Variants in PRELID2 observed in about 807,000 individuals in gnomAD.
The protein encoded by PRELID2 is PRELI domain containing 2.
Under a neutral mutation model 28.4 loss-of-function variants are expected in PRELID2, and 25 were observed. That is an observed-to-expected ratio of 0.88 (90% CI 0.64 to 1.23). The LOEUF (loss-of-function observed/expected upper bound fraction) is 1.23. Ranked by LOEUF, PRELID2 falls within the 50% of genes most tolerant of loss-of-function variation. The pLI is 0.00. For missense variants in PRELID2, 201 were observed against 214.4 expected (o/e 0.94, Z 0.39); for synonymous variants, 76 against 71.6 (o/e 1.06, Z -0.31).
At chr5:145,578,462 G>A (rs1194656283) in intron 1 of PRELID2, among the ~76,000 whole-genome samples, 2 of 151,980 alleles carry the variant, frequency 1.3e-5, no homozygotes, top group Non-Finnish European at 2.9e-5. Flanking sequence ...CTGGGTCAAA[G>A]GTAAATATGG....
In PRELID2 at chr5:145,547,331, C is replaced by T. The variant is rs146319171; in HGVS notation, n.71-74016G>A. On this transcript the variant is annotated intron_variant and non_coding_transcript_variant, in intron 1 of 2. Coordinates refer to the PRELID2 transcript ENST00000510259. ...CTGAATGTAAAATAACCAGGCTGGT[C>T]GGTGGTGTCCATTTTATCTTCTGTA... Among the ~76,000 whole-genome samples, 364 of 152,196 alleles carry T rather than the reference C, an allele frequency of 2.4e-3. 2 individuals are homozygous for T. Among genetic ancestry groups the T allele is most frequent in the African/African-American group, 7.6e-3 (317 of 41,538 alleles).
At chr5:145,335,471 CT>C in the PRELID2 span, among the ~76,000 whole-genome samples, 8 of 152,080 alleles carry the variant, frequency 5.3e-5, no homozygotes, top group Admixed American at 1.3e-4. Flanking sequence ...ATCTCCATTT[CT>C]TTAATGTCAA....
downstream of PRELID2, among the ~76,000 whole-genome samples, chr5:145,470,984 G>A (rs534901099): frequency 7.2e-5 from 11 of 152,112 alleles, no homozygotes; most frequent in South Asian, 6.2e-4. Context: ...TCCTAACCCC[G>A]GAGGTATATT....
intron 1 of PRELID2, among the ~76,000 whole-genome samples, chr5:145,647,161 T>C (rs533970863): frequency 1.3e-5 from 2 of 151,746 alleles, no homozygotes; most frequent in South Asian, 4.2e-4. Context: ...GAGATGGGGG[T>C]TTTATCTGTA....
At chr5:145,719,131 G>T (rs1311837324) in intron 1 of PRELID2, among the ~76,000 whole-genome samples, 1 of 151,940 alleles carries the variant, frequency 6.6e-6, no homozygotes, top group African/African-American at 2.4e-5. Context: ...AAACCTTCAG[G>T]ATAACTGGAA....
chr5:145,588,925 T>C (rs1224119959), intron 1 of PRELID2, among the ~76,000 whole-genome samples: 1 of 151,936 alleles, frequency 6.6e-6, no homozygotes, highest in Non-Finnish European at 1.5e-5. Flanking sequence ...AGGAGTGATA[T>C]ATGTTAGTAG....
chr5:145,563,677 C>CA (rs1432295708), intron 1 of PRELID2, among the ~76,000 whole-genome samples: 4 of 152,112 alleles, frequency 2.6e-5, no homozygotes. Context: ...AAGCCAGACG[C>CA]AAAAAGAAAA....
intron 1 of PRELID2, among the ~76,000 whole-genome samples, chr5:145,706,284 T>A (rs1755545696): frequency 6.6e-6 from 1 of 152,182 alleles, no homozygotes; most frequent in African/African-American, 2.4e-5. Flanking sequence ...AAAGCAGGAA[T>A]ACTGTCTGTA....
At chr5:145,797,111 C>T (rs76210728) in intron 4 of PRELID2, among the ~76,000 whole-genome samples, 1 of 151,934 alleles carries the variant, frequency 6.6e-6, no homozygotes, top group East Asian at 1.9e-4. Flanking sequence ...ATTTTCATTA[C>T]CAAAATTATA....
chr5:145,806,380 T>C (rs1046289308), intron 4 of PRELID2, among the ~76,000 whole-genome samples: 1 of 152,132 alleles, frequency 6.6e-6, no homozygotes, highest in Non-Finnish European at 1.5e-5. Context: ...CACAGGGTCA[T>C]GATCATCAAT....
At chr5:145,637,889 C>T (rs1385151172) in intron 1 of PRELID2, among the ~76,000 whole-genome samples, 1 of 150,560 alleles carries the variant, frequency 6.6e-6, no homozygotes, top group Admixed American at 6.6e-5. Context: ...CGGCTCACTG[C>T]AACCTCTGGC....
chr5:145,583,341 A>G (rs987294357), intron 1 of PRELID2, among the ~76,000 whole-genome samples: 1 of 152,152 alleles, frequency 6.6e-6, no homozygotes, highest in Non-Finnish European at 1.5e-5. Flanking sequence ...TATCCTACCG[A>G]TGGGCAAAAA....
intron 1 of PRELID2, among the ~76,000 whole-genome samples, chr5:145,732,837 A>G (rs1756383306): frequency 6.6e-6 from 1 of 152,160 alleles, no homozygotes; most frequent in South Asian, 2.1e-4. Context: ...TAGGAGTGGA[A>G]ATGGGGATGG....
At chr5:145,787,901 T>G (rs531756625) in intron 5 of PRELID2, among the ~76,000 whole-genome samples, 1 of 152,108 alleles carries the variant, frequency 6.6e-6, no homozygotes, top group African/African-American at 2.4e-5. Flanking sequence ...AATCAGTCTA[T>G]CTATGGTCTT....
intron 1 of PRELID2, among the ~76,000 whole-genome samples, chr5:145,603,130 T>A (rs979540247): frequency 1.3e-5 from 2 of 149,850 alleles, no homozygotes; most frequent in African/African-American, 5.1e-5. Flanking sequence ...CTCACATACA[T>A]GTAATTGGAG....
At chr5:145,563,029 C>A (rs1231957484) in intron 1 of PRELID2, among the ~76,000 whole-genome samples, 2 of 152,174 alleles carry the variant, frequency 1.3e-5, no homozygotes, top group African/African-American at 4.8e-5. Flanking sequence ...CTTCCCTTTT[C>A]ATGTGGGAAA....
intron 1 of PRELID2, among the ~76,000 whole-genome samples, chr5:145,596,730 C>T (rs1485941966): frequency 2.6e-5 from 4 of 152,156 alleles, no homozygotes; most frequent in Non-Finnish European, 5.9e-5. Flanking sequence ...GATAAACTCA[C>T]TTTGTGTCTT....
chr5:145,820,686 C>T (rs116278200), intron 2 of PRELID2, among the ~76,000 whole-genome samples: 217 of 152,228 alleles, frequency 1.4e-3, no homozygotes, highest in African/African-American at 5.1e-3. Flanking sequence ...CAATTATGGT[C>T]TCCTCAGAAG....
intron 1 of PRELID2, among the ~76,000 whole-genome samples, chr5:145,509,510 G>T (rs1275619135): frequency 6.6e-6 from 1 of 152,132 alleles, no homozygotes; most frequent in Admixed American, 6.6e-5. Context: ...CATTATCCAG[G>T]CTGCCTGGGC....
Sources: gnomAD v4.1 joint callset for allele counts (sites outside exome capture counted in the v4.1 genomes callset) on GRCh38, gnomAD v4.1.1 for gene constraint, MANE v1.5 for transcripts, NCBI Gene and HGNC (gene_info 2026-07-23, HGNC 2026-07-21) for gene names.